Variants in CDKAL1 observed in about 807,000 individuals in gnomAD.
The protein encoded by CDKAL1 is CDKAL1 threonylcarbamoyladenosine tRNA methylthiotransferase.
CDKAL1 carries 32 observed loss-of-function variants against 68.2 expected under a neutral mutation model. The observed-to-expected ratio is 0.47, with a 90% confidence interval of 0.35 to 0.63. CDKAL1 has a LOEUF of 0.63. Ranked by LOEUF, CDKAL1 falls within the 30% of genes least tolerant of loss-of-function variation. The probability of loss-of-function intolerance (pLI) is 0.00; values close to 1 mark genes in which losing one functional copy is unlikely to be tolerated. For synonymous variants in CDKAL1, 234 were observed against 244.3 expected (o/e 0.96, Z 0.39); for missense variants, 606 against 696.7 (o/e 0.87, Z 1.47).
intron 11 of CDKAL1, among the ~76,000 whole-genome samples, chr6:21,043,962 G>A (rs1316619398): frequency 6.6e-6 from 1 of 152,132 alleles, no homozygotes. Flanking sequence ...GTTTGCTAAA[G>A]GAAATGTTTG....
intron 11 of CDKAL1, among the ~76,000 whole-genome samples, chr6:21,021,991 T>C (rs1768692213): frequency 6.6e-6 from 1 of 152,182 alleles, no homozygotes; most frequent in Non-Finnish European, 1.5e-5. Flanking sequence ...GTATTTAATG[T>C]CTTAAAGCAA....
intron 10 of CDKAL1, among the ~76,000 whole-genome samples, chr6:20,989,751 G>T (rs939983290): frequency 2.0e-4 from 31 of 152,162 alleles, no homozygotes; most frequent in African/African-American, 6.7e-4. Flanking sequence ...AATCACCAAA[G>T]ATTTTGCTGT....
chr6:20,872,544 G>A (rs1760279518), intron 9 of CDKAL1, among the ~76,000 whole-genome samples: 1 of 152,184 alleles, frequency 6.6e-6, no homozygotes, highest in Admixed American at 6.5e-5. Flanking sequence ...AATAATATGA[G>A]CAAATGCTGA....
In CDKAL1 at chr6:20,955,459, G is replaced by A; in HGVS notation, c.783G>A (p.Gly261=). Residue 261 remains glycine, a synonymous_variant, in exon 10 of 16, where the codon GGG becomes GGA. Transcript: ENST00000274695. ...CEIWLTSEDT[G]AYGRDIGTNL... is the part of the protein sequence containing the mutation. ...TATGGTTGACCAGTGAAGACACGGG[G>A]GCTTATGGCAGAGATATTGGCACCA... 1 of 1,614,112 alleles carries A rather than the reference G, an allele frequency of 6.2e-7. No homozygotes were observed. Among genetic ancestry groups the A allele is most frequent in the Non-Finnish European group, 8.5e-7 (1 of 1,179,996 alleles).
At chr6:20,730,735 C>T (rs760409149) in intron 5 of CDKAL1, among the ~76,000 whole-genome samples, 8 of 151,346 alleles carry the variant, frequency 5.3e-5, no homozygotes, top group Non-Finnish European at 1.0e-4. Flanking sequence ...ATCCCAGCTA[C>T]TCGGGAGGCT....
chr6:21,203,215 A>ATTTTTTTTTTTTTT (rs371165972), intron 15 of CDKAL1, among the ~76,000 whole-genome samples: 1 of 47,090 alleles, frequency 2.1e-5, no homozygotes, highest in Non-Finnish European at 3.8e-5. Flanking sequence ...ATCCTGGCTA[A>ATTTTTTTTTTTTTT]TTTTTTTTTT....
intron 13 of CDKAL1, among the ~76,000 whole-genome samples, chr6:21,163,101 G>A (rs1179249113): frequency 6.6e-6 from 1 of 152,202 alleles, no homozygotes; most frequent in Non-Finnish European, 1.5e-5. Context: ...CAACTCCCTA[G>A]CACACAAAAT....
intron 4 of CDKAL1, among the ~76,000 whole-genome samples, chr6:20,588,720 G>C (rs993258643): frequency 2.0e-5 from 3 of 151,862 alleles, no homozygotes; most frequent in African/African-American, 7.3e-5. Flanking sequence ...TATCATTTTC[G>C]AACTCTGTTT....
intron 12 of CDKAL1, among the ~76,000 whole-genome samples, chr6:21,089,769 T>A (rs573749967): frequency 6.6e-6 from 1 of 152,284 alleles, no homozygotes; most frequent in African/African-American, 2.4e-5. Context: ...GGAGGCCAGG[T>A]GGTCAAGAGT....
chr6:20,571,847 T>C (rs976194207), intron 4 of CDKAL1, among the ~76,000 whole-genome samples: 1 of 152,146 alleles, frequency 6.6e-6, no homozygotes, highest in South Asian at 2.1e-4. Flanking sequence ...GAAGATCAGA[T>C]GTAATTTTAA....
intron 9 of CDKAL1, among the ~76,000 whole-genome samples, chr6:20,875,412 T>A (rs1760460784): frequency 6.6e-6 from 1 of 152,072 alleles, no homozygotes; most frequent in Non-Finnish European, 1.5e-5. Flanking sequence ...TACATATGAC[T>A]TGATCATTCT....
chr6:21,185,105 T>A (rs1429996140), intron 13 of CDKAL1, among the ~76,000 whole-genome samples: 1 of 152,180 alleles, frequency 6.6e-6, no homozygotes, highest in Admixed American at 6.5e-5. Context: ...TCTCAGGAAC[T>A]GTTGCAGTGG....
chr6:20,612,851 T>C (rs531936563), intron 4 of CDKAL1, among the ~76,000 whole-genome samples: 71 of 152,118 alleles, frequency 4.7e-4, no homozygotes, highest in African/African-American at 1.6e-3. Context: ...CTATGTAAAA[T>C]CACTTTTTTG....
intron 5 of CDKAL1, among the ~76,000 whole-genome samples, chr6:20,736,589 T>C (rs970356286): frequency 6.6e-6 from 1 of 151,886 alleles, no homozygotes; most frequent in Non-Finnish European, 1.5e-5. Flanking sequence ...GCTAACACGG[T>C]GAAACCCCAT....
rs192567739 is a variant in CDKAL1 at position 20,900,817 on chromosome 6, A to G, written c.743-54602A>G. ...TGTAGAAGTTAAAAAAATGAATAAC[A>G]TTTCTTAAGGGAATGTTTTATAAAC... On this transcript the variant is annotated intron_variant, in intron 9 of 15. Transcript: ENST00000274695. 3.3e-5 allele frequency among the ~76,000 whole-genome samples: 5 copies of G among 152,166 alleles called. No homozygotes were observed. In the East Asian group the frequency reaches 9.6e-4, roughly 29 times the overall value.
intron 13 of CDKAL1, among the ~76,000 whole-genome samples, chr6:21,132,509 A>G (rs1336043137): frequency 2.7e-5 from 4 of 150,862 alleles, no homozygotes; most frequent in Non-Finnish European, 5.9e-5. Context: ...TTATGTTAAT[A>G]TGTAGTCATT....
chr6:20,896,088 CTT>C (rs1413872667), intron 9 of CDKAL1, among the ~76,000 whole-genome samples: 1 of 127,312 alleles, frequency 7.9e-6, no homozygotes. Context: ...TCTTTTTTTT[CTT>C]TTCTTTTCTT....
intron 9 of CDKAL1, among the ~76,000 whole-genome samples, chr6:20,924,414 T>TCA (rs1763094474): frequency 6.6e-6 from 1 of 151,886 alleles, no homozygotes; most frequent in Non-Finnish European, 1.5e-5. Context: ...GCCGGCAGGC[T>TCA]GAAAGCTGGG....
At chr6:20,581,882 TTTA>T (rs1480581784) in intron 4 of CDKAL1, among the ~76,000 whole-genome samples, 10 of 152,342 alleles carry the variant, frequency 6.6e-5, no homozygotes, top group Admixed American at 6.5e-4. Context: ...TTACTTAGCT[TTTA>T]GTCTGTGCCA....
Sources: allele counts gnomAD v4.1 joint callset (sites outside exome capture counted in the v4.1 genomes callset), GRCh38; gene constraint gnomAD v4.1.1; transcripts MANE v1.5; gene names NCBI Gene and HGNC (gene_info 2026-07-23, HGNC 2026-07-21).